VPS13D: variants seen among roughly 807,000 people sequenced by gnomAD.
The protein encoded by VPS13D is intermembrane lipid transfer protein VPS13D.
VPS13D carries 187 observed loss-of-function variants against 461.9 expected under a neutral mutation model. The ratio of observed to expected loss-of-function variants is 0.40; its 90% CI spans 0.36 to 0.46. VPS13D has a LOEUF of 0.46. Among genes scored for constraint, VPS13D ranks in the 20% least tolerant of loss-of-function variants. VPS13D has a pLI of 0.60. For synonymous variants in VPS13D, 1,951 were observed against 1,986.3 expected (o/e 0.98, Z 0.47); for missense variants, 4,711 against 5,364.9 (o/e 0.88, Z 3.81).
intron 55 of VPS13D, among the ~76,000 whole-genome samples, chr1:12,375,342 T>A (rs1644183888): frequency 6.6e-6 from 1 of 152,216 alleles, no homozygotes; most frequent in Admixed American, 6.5e-5. Context: ...GGTTTTTTAA[T>A]CTATGTATGC....
At chr1:12,454,863 C>T (rs1645305529) in intron 65 of VPS13D, among the ~76,000 whole-genome samples, 1 of 152,218 alleles carries the variant, frequency 6.6e-6, no homozygotes, top group Non-Finnish European at 1.5e-5. Flanking sequence ...GCACTTAAAC[C>T]ACTTGTTTTG....
chr1:12,283,959 T>C (rs1003699381), intron 21 of VPS13D, among the ~76,000 whole-genome samples: 3 of 152,224 alleles, frequency 2.0e-5, no homozygotes, highest in African/African-American at 7.2e-5. Flanking sequence ...TTAAGAATCT[T>C]ACCTTTCCTT....
chr1:12,319,502 G>C lies in VPS13D; in HGVS notation c.7420G>C (p.Glu2474Gln), dbSNP rs1642977350. ...LEVKVNVTGT[E>Q]FVVIEDVSCF... ...GACGACGTTGTCCTTTCCAGGTACGGAGTTTGTGGTCATTGAAGATGTGTC... is the reference window on the plus strand; with the variant it reads ...GACGACGTTGTCCTTTCCAGGTACGCAGTTTGTGGTCATTGAAGATGTGTC... Residue 2474 changes from glutamate (E) to glutamine (Q), a missense_variant, in exon 32 of 70, where the codon GAG becomes CAG. Physicochemically the swap from Glu to Gln is conservative, Grantham distance 29. Transcript: ENST00000620676. 6.2e-7 allele frequency: 1 copy of C among 1,614,094 alleles called. No individual in the cohort carries two copies.
intron 1 of VPS13D, among the ~76,000 whole-genome samples, chr1:12,230,890 T>C (rs1039994783): frequency 2.0e-5 from 3 of 151,876 alleles, no homozygotes; most frequent in Non-Finnish European, 4.4e-5. Flanking sequence ...TGGAGGGGGC[T>C]GAGGGTTCCG....
chr1:12,490,643 C>T (rs1318669913), intron 67 of VPS13D, among the ~76,000 whole-genome samples: 1 of 151,766 alleles, frequency 6.6e-6, no homozygotes, highest in Non-Finnish European at 1.5e-5. Flanking sequence ...GTGGGAGCTA[C>T]AGATCTGAGA....
rs143933696 is a variant in VPS13D, at chr1:12,304,592, T to G, written c.6303T>G (p.His2101Gln). The change falls in exon 26 of 70, where the codon CAT becomes CAG. Residue 2101 changes from histidine (H) to glutamine (Q), a missense_variant. This residue lies in a region of VPS13D where 4,411 missense variants were observed against 4,937.8 expected (regional missense o/e 0.89). Transcript: ENST00000620676. ...TTSTEEPRGTHSQGQFTMPLA... is the reference protein window; with the variant it reads ...TTSTEEPRGTQSQGQFTMPLA... ...GCACGGAGGAGCCCAGGGGAACCCA[T>G]TCCCAGGGGCAGTTCACGATGCCTC... 4.8e-4 allele frequency: 771 copies of G among 1,614,094 alleles called. No individual in the cohort carries two copies. Among genetic ancestry groups the G allele is most frequent in the Admixed American group, 8.0e-4 (48 of 60,014 alleles).
At chr1:12,497,365 G>A (rs376395451) in intron 67 of VPS13D, 135 bp from the exon 68 acceptor site, 2 of 1,036,618 alleles carry the variant, frequency 1.9e-6, no homozygotes, top group South Asian at 3.8e-5. Flanking sequence ...TTCACAGGCA[G>A]TACTGTAGGT....
At chr1:12,488,496 C>G (rs1645831480) in intron 67 of VPS13D, among the ~76,000 whole-genome samples, 1 of 151,844 alleles carries the variant, frequency 6.6e-6, no homozygotes, top group African/African-American at 2.4e-5. Context: ...AATTTCATCT[C>G]TTCTCTTAAA....
At chr1:12,315,746 T>C (rs1002979563) in intron 30 of VPS13D, among the ~76,000 whole-genome samples, 1 of 152,226 alleles carries the variant, frequency 6.6e-6, no homozygotes, top group African/African-American at 2.4e-5. Context: ...TGGCCCCATT[T>C]TGCAGTTCAT....
At chr1:12,292,374 T>C (rs1422229384) in intron 23 of VPS13D, among the ~76,000 whole-genome samples, 4 of 145,260 alleles carry the variant, frequency 2.8e-5, no homozygotes, top group Admixed American at 7.1e-5. Context: ...TTAGAAAATA[T>C]AGATGTCCAG....
intron 27 of VPS13D, among the ~76,000 whole-genome samples, chr1:12,310,111 G>A (rs527300388): frequency 1.3e-5 from 2 of 151,884 alleles, no homozygotes; most frequent in East Asian, 3.9e-4. Context: ...CAAAAAAAAA[G>A]CTTTCCTATT....
chr1:12,247,721 TGAGACGG>T (rs1640603601), intron 5 of VPS13D, among the ~76,000 whole-genome samples: 1 of 150,218 alleles, frequency 6.7e-6, no homozygotes, highest in Admixed American at 6.6e-5. Context: ...TTTTTTTTTT[TGAGACGG>T]AGTCTCCCTC....
chr1:12,448,500 G>A (rs1645222329), intron 65 of VPS13D, among the ~76,000 whole-genome samples: 2 of 152,158 alleles, frequency 1.3e-5, no homozygotes, highest in African/African-American at 4.8e-5. Context: ...TAGGGGTCTG[G>A]CATTTTCAAC....
intron 1 of VPS13D, among the ~76,000 whole-genome samples, chr1:12,233,006 C>G (rs1640030694): frequency 6.7e-6 from 1 of 149,436 alleles, no homozygotes; most frequent in South Asian, 2.2e-4. Context: ...TCATGAGTTT[C>G]TTTTTCTTTT....
chr1:12,263,715 A>G (rs1317128044), intron 13 of VPS13D, among the ~76,000 whole-genome samples: 1 of 152,208 alleles, frequency 6.6e-6, no homozygotes, highest in Non-Finnish European at 1.5e-5. Context: ...TTAAAAAGCC[A>G]GTTTGTTTGA....
chr1:12,431,111 G>A (rs1644985704), intron 65 of VPS13D, among the ~76,000 whole-genome samples: 1 of 152,314 alleles, frequency 6.6e-6, no homozygotes, highest in African/African-American at 2.4e-5. Flanking sequence ...TGAATTTGGT[G>A]AGAAGCCTAG....
chr1:12,503,483 C>T (rs1271386668), intron 68 of VPS13D, among the ~76,000 whole-genome samples: 2 of 152,016 alleles, frequency 1.3e-5, no homozygotes, highest in Admixed American at 6.6e-5. Flanking sequence ...CATGCTCTGC[C>T]CTAAGAGTTG....
At chr1:12,501,427 T>A (rs924070230) in intron 68 of VPS13D, among the ~76,000 whole-genome samples, 3 of 152,230 alleles carry the variant, frequency 2.0e-5, no homozygotes, top group African/African-American at 7.2e-5. Context: ...CACCTCTGAA[T>A]TAAAACTTGG....
At chr1:12,360,790 C>T (rs1643935597) in intron 50 of VPS13D, among the ~76,000 whole-genome samples, 1 of 152,142 alleles carries the variant, frequency 6.6e-6, no homozygotes, top group Admixed American at 6.5e-5. Context: ...AAAGGAACAT[C>T]AGCATTTTCA....
Sources: allele counts gnomAD v4.1 joint callset (sites outside exome capture counted in the v4.1 genomes callset), GRCh38; gene constraint gnomAD v4.1.1; regional missense constraint gnomAD v4.1.1; transcripts MANE v1.5; gene names NCBI Gene and HGNC (gene_info 2026-07-23, HGNC 2026-07-21).